PHF21A: variants seen among roughly 807,000 people sequenced by gnomAD.
PHF21A encodes PHD finger protein 21A, also known as BHC80a.
In PHF21A, 11 loss-of-function variants were observed where a neutral mutation model predicts 82.5. That is an observed-to-expected ratio of 0.13 (90% CI 0.08 to 0.22). The LOEUF (loss-of-function observed/expected upper bound fraction) is 0.22. Among genes scored for constraint, PHF21A ranks in the 10% least tolerant of loss-of-function variants. The probability of loss-of-function intolerance (pLI) is 1.00; values close to 1 mark genes in which losing one functional copy is unlikely to be tolerated. For missense variants in PHF21A, 579 were observed against 837.8 expected, an observed-to-expected ratio of 0.69 and a Z score of 3.81; for synonymous variants, 297 against 302.8, an observed-to-expected ratio of 0.98 and a Z score of 0.20.
intron 6 of PHF21A, among the ~76,000 whole-genome samples, chr11:46,021,254 G>T (rs938727246): frequency 2.0e-5 from 3 of 152,128 alleles, no homozygotes; most frequent in Admixed American, 2.0e-4. Context: ...AGAGATGGGG[G>T]TCTCACTCTG....
intron 1 of PHF21A, chr11:46,118,101 C>T (rs1280966042): frequency 6.6e-6 from 1 of 152,098 alleles, no homozygotes; most frequent in East Asian, 1.9e-4. Flanking sequence ...TCAGAGGCAG[C>T]TCCTTCCAGA....
chr11:46,059,518 T>C (rs1422996307), intron 6 of PHF21A, among the ~76,000 whole-genome samples: 3 of 152,080 alleles, frequency 2.0e-5, no homozygotes. Context: ...CTCGAATTCC[T>C]GGGTTCAAGC....
At chr11:45,971,423 T>G (rs2093736165) in intron 7 of PHF21A, 56 bp from the exon 8 acceptor site, 3 of 1,443,104 alleles carry the variant, frequency 2.1e-6, no homozygotes, top group South Asian at 2.6e-5. Context: ...AATAATAAAC[T>G]AAATCCCACT....
intron 6 of PHF21A, among the ~76,000 whole-genome samples, chr11:46,064,473 C>A (rs529801869): frequency 6.6e-6 from 1 of 152,162 alleles, no homozygotes; most frequent in Non-Finnish European, 1.5e-5. Flanking sequence ...CCTGCTGATT[C>A]ACACAAACAT....
At chr11:45,952,688 G>A (rs2092276433) in intron 11 of PHF21A, among the ~76,000 whole-genome samples, 1 of 152,116 alleles carries the variant, frequency 6.6e-6, no homozygotes, top group Non-Finnish European at 1.5e-5. Context: ...ACCTGAACTG[G>A]CTCAATAAAT....
intron 6 of PHF21A, among the ~76,000 whole-genome samples, chr11:46,075,212 T>C (rs1001805560): frequency 1.4e-4 from 22 of 152,220 alleles, no homozygotes; most frequent in Admixed American, 9.8e-4. Flanking sequence ...ACCAAATCTA[T>C]GTTAGTTCTC....
chr11:46,070,699 G>T (rs1037060483), intron 6 of PHF21A, among the ~76,000 whole-genome samples: 1 of 152,092 alleles, frequency 6.6e-6, no homozygotes, highest in African/African-American at 2.4e-5. Flanking sequence ...CTACAGAAGG[G>T]TCTATCTCTC....
intron 1 of PHF21A, among the ~76,000 whole-genome samples, chr11:46,113,354 G>C (rs71491889): frequency 1.3e-5 from 2 of 151,718 alleles, no homozygotes; most frequent in African/African-American, 4.9e-5. Flanking sequence ...AGCACATACC[G>C]GAAAAAGTAT....
chr11:46,076,849 A>C, intron 5 of PHF21A, 30 bp from the exon 6 acceptor site: 2 of 1,532,034 alleles, frequency 1.3e-6, no homozygotes, highest in Non-Finnish European at 1.8e-6. Context: ...ATCTGTGAGA[A>C]AGATATTTCA....
At chr11:46,053,786 A>G (rs941155549) in intron 6 of PHF21A, among the ~76,000 whole-genome samples, 4 of 152,162 alleles carry the variant, frequency 2.6e-5, no homozygotes, top group African/African-American at 9.7e-5. Flanking sequence ...TGTGCAATCA[A>G]TCACATAAAT....
chr11:45,980,777 TAAAC>T (rs1387422352), intron 6 of PHF21A, among the ~76,000 whole-genome samples: 4 of 152,206 alleles, frequency 2.6e-5, no homozygotes, highest in South Asian at 2.1e-4. Flanking sequence ...AACAGACTGT[TAAAC>T]AAAGAAACCT....
chr11:46,042,810 C>G (rs965287709), intron 6 of PHF21A, among the ~76,000 whole-genome samples: 7 of 151,892 alleles, frequency 4.6e-5, no homozygotes, highest in African/African-American at 1.7e-4. Context: ...GTCCTCACAG[C>G]AAGAAGGTGC....
At chr11:46,006,436 G>T (rs2095296834) in intron 6 of PHF21A, among the ~76,000 whole-genome samples, 2 of 152,184 alleles carry the variant, frequency 1.3e-5, no homozygotes, top group Admixed American at 1.3e-4. Flanking sequence ...GAATAAATCT[G>T]CCCTCAGTGT....
At chr11:45,970,675 C>T (rs1381175920) in intron 8 of PHF21A, 1 of 153,878 alleles carries the variant, frequency 6.5e-6, no homozygotes, top group East Asian at 1.9e-4. Flanking sequence ...AACTCCAGTT[C>T]TTTCTGGGTA....
At chr11:46,069,824 A>C (rs574015270) in intron 6 of PHF21A, among the ~76,000 whole-genome samples, 2 of 152,322 alleles carry the variant, frequency 1.3e-5, no homozygotes, top group African/African-American at 4.8e-5. Flanking sequence ...AGCTTCTTAG[A>C]AAAGTAGTAC....
chr11:45,957,641 T>C (rs941384698), intron 10 of PHF21A, among the ~76,000 whole-genome samples: 3 of 148,834 alleles, frequency 2.0e-5, no homozygotes, highest in Admixed American at 6.8e-5. Context: ...AAAGCAGTAC[T>C]CAGAGGGAAA....
rs571441086 is a variant in PHF21A, at chr11:46,005,404, G to C, written c.154-25438C>G. Among the ~76,000 whole-genome samples the C allele has an allele frequency of 7.9e-5, 12 of 152,228 alleles. No individual in the cohort carries two copies. In the South Asian group the frequency reaches 2.5e-3, roughly 32 times the overall value. ...TATTTGCACAATATATTAACGCCTT[G>C]TATATACCAAATAATCTTAGGCAGT... is the stretch of plus-strand genomic sequence containing the variant. On this transcript the variant is annotated intron_variant, in intron 6 of 18. Coordinates refer to ENST00000676320, the MANE Select transcript of PHF21A (RefSeq NM_001352027.3).
chr11:45,991,936 T>G (rs972536227), intron 6 of PHF21A, among the ~76,000 whole-genome samples: 2 of 152,172 alleles, frequency 1.3e-5, no homozygotes, highest in Admixed American at 1.3e-4. Flanking sequence ...CACGTGAACA[T>G]GTAAACTGAT....
chr11:46,089,724 C>T (rs905914214), intron 3 of PHF21A, among the ~76,000 whole-genome samples: 1 of 146,426 alleles, frequency 6.8e-6, no homozygotes, highest in Admixed American at 7.1e-5. Flanking sequence ...AATATGCATA[C>T]ATATCATTAC....
Sources: gnomAD v4.1 joint callset for allele counts (sites outside exome capture counted in the v4.1 genomes callset) on GRCh38, gnomAD v4.1.1 for gene constraint, MANE v1.5 for transcripts, NCBI Gene and HGNC (gene_info 2026-07-23, HGNC 2026-07-21) for gene names.